The following PPARGC1B variants were observed in gnomAD, a reference collection of about 807,000 sequenced individuals.
PPARGC1B encodes the protein peroxisome proliferator-activated receptor gamma coactivator 1-beta.
A neutral mutation model predicts 101.6 loss-of-function variants in PPARGC1B; 34 were observed. That is an observed-to-expected ratio of 0.33 (90% CI 0.25 to 0.45). The LOEUF (loss-of-function observed/expected upper bound fraction) is 0.45. PPARGC1B is among the 20% of genes least tolerant of loss of function. The probability of loss-of-function intolerance (pLI) is 1.00; values close to 1 mark genes in which losing one functional copy is unlikely to be tolerated. For missense variants in PPARGC1B, 1,234 were observed against 1,317.6 expected (o/e 0.94, Z 0.98); for synonymous variants, 548 against 539.3 (o/e 1.02, Z -0.22).
chr5:149,790,785 C>T (rs1756989387), intron 1 of PPARGC1B, among the ~76,000 whole-genome samples: 1 of 152,252 alleles, frequency 6.6e-6, no homozygotes, highest in Non-Finnish European at 1.5e-5. Context: ...GTGTGTGAAA[C>T]ATGCAGATTC....
At chr5:149,735,575 A>T (rs1457521399) in intron 1 of PPARGC1B, among the ~76,000 whole-genome samples, 1 of 152,218 alleles carries the variant, frequency 6.6e-6, no homozygotes, top group African/African-American at 2.4e-5. Context: ...TTCTGTTTGC[A>T]CTACTACATT....
At chr5:149,737,314 A>C (rs1027184597) in intron 1 of PPARGC1B, among the ~76,000 whole-genome samples, 3 of 152,106 alleles carry the variant, frequency 2.0e-5, no homozygotes, top group African/African-American at 7.2e-5. Context: ...GGTACTTTTA[A>C]GTTGGAGAGT....
Position 149,822,699 on chromosome 5 carries a change from CTT to C in PPARGC1B, c.252+2094_252+2095del, listed in dbSNP as rs1262313022. The stretch of plus-strand genomic sequence containing the variant: ...TAGTCCCTCTCATGGGCTCCCATCT[CTT>C]GCACGCATGTGTGTCCTTCAGACTG... On this transcript the variant is annotated intron_variant, in intron 2 of 11. Transcript: ENST00000309241. Among the ~76,000 whole-genome samples the C allele has an allele frequency of 4.6e-5, 7 of 152,370 alleles. No homozygotes were observed. The East Asian group carries it at 1.3e-3, about 29-fold the overall frequency.
chr5:149,793,784 G>C (rs1309317946), intron 1 of PPARGC1B, among the ~76,000 whole-genome samples: 2 of 152,176 alleles, frequency 1.3e-5, no homozygotes, highest in African/African-American at 4.8e-5. Context: ...AAAAACCAAC[G>C]AGGAGAAAAC....
intron 1 of PPARGC1B, among the ~76,000 whole-genome samples, chr5:149,731,704 G>A (rs1014086415): frequency 1.2e-4 from 18 of 152,322 alleles, no homozygotes; most frequent in Admixed American, 1.1e-3. Context: ...CAGCTGTCAT[G>A]GGACCGGGTG....
intron 1 of PPARGC1B, among the ~76,000 whole-genome samples, chr5:149,777,442 C>T (rs1756408462): frequency 6.6e-6 from 1 of 152,154 alleles, no homozygotes; most frequent in Non-Finnish European, 1.5e-5. Context: ...TTGGCAGCCC[C>T]TGCCCGGTTG....
In PPARGC1B at chr5:149,766,460, G is replaced by T. The variant is rs569586117; in HGVS notation, c.78+36040G>T. 3.9e-5 allele frequency among the ~76,000 whole-genome samples: 6 copies of T among 152,300 alleles called. No homozygotes were observed. The East Asian group carries it at 5.8e-4, about 15-fold the overall frequency. ...GCAAGATCAATATTATTAGTGTCAT[G>T]TATTTCAAAAAGGGAAACTGAGGCT... On this transcript the variant is annotated intron_variant, in intron 1 of 11. Transcript: ENST00000309241.
chr5:149,739,127 T>C (rs1203490410), intron 1 of PPARGC1B, among the ~76,000 whole-genome samples: 6 of 152,196 alleles, frequency 3.9e-5, no homozygotes, highest in Non-Finnish European at 8.8e-5. Flanking sequence ...CATTTGACTA[T>C]GGAAAATGTC....
At position 149,833,619 on chromosome 5, in the gene PPARGC1B, T is replaced by C. The variant is rs1758915625; in HGVS notation, c.1546T>C (p.Tyr516His). 6.2e-7 allele frequency: 1 copy of C among 1,609,058 alleles called. No homozygotes were observed. Among genetic ancestry groups the C allele is most frequent in the Admixed American group, 1.7e-5 (1 of 59,452 alleles). ...CTCACTGTGCCTGGCTCCCAAGGCC[T>C]ACGACGTAGAGCGGGAGCTGGGCAG... Reference protein sequence around the residue: ...LPSLCLAPKAYDVERELGSPT... With the variant: ...LPSLCLAPKAHDVERELGSPT... The change falls in exon 5 of 12, where the codon TAC becomes CAC. Residue 516 changes from tyrosine to histidine, a missense_variant. Tyr to His is a moderately conservative substitution (Grantham distance 83). Transcript: ENST00000309241. This position sits in a 1 kb window ranked among gnomAD's most constrained non-coding sequence, Gnocchi z 4.1.
intron 9 of PPARGC1B, among the ~76,000 whole-genome samples, chr5:149,840,321 G>C (rs1759283078): frequency 6.6e-6 from 1 of 152,220 alleles, no homozygotes; most frequent in Non-Finnish European, 1.5e-5. Flanking sequence ...GGCATCAAAG[G>C]TGGCACCATG....
intron 1 of PPARGC1B, among the ~76,000 whole-genome samples, chr5:149,812,631 G>C (rs142042744): frequency 2.0e-4 from 31 of 152,344 alleles, no homozygotes; most frequent in Non-Finnish European, 4.0e-4. Context: ...CTGTTTCTTG[G>C]ATCTGCCGTC....
chr5:149,791,821 A>G (rs1237128370), intron 1 of PPARGC1B, among the ~76,000 whole-genome samples: 1 of 152,194 alleles, frequency 6.6e-6, no homozygotes, highest in South Asian at 2.1e-4. Flanking sequence ...AGATTAAGAT[A>G]ATGAGGGCAG....
intron 1 of PPARGC1B, among the ~76,000 whole-genome samples, chr5:149,735,087 T>C (rs17711241): frequency 0.11 from 17,483 of 152,192 alleles, 1,334 homozygotes; most frequent in Admixed American, 0.23. Context: ...TGGGAGAAGA[T>C]TGAAGCATAG....
intron 1 of PPARGC1B, among the ~76,000 whole-genome samples, chr5:149,812,716 A>G (rs932397089): frequency 6.6e-6 from 1 of 152,252 alleles, no homozygotes; most frequent in Admixed American, 6.5e-5. Context: ...TTCAGAACAG[A>G]ATCCAGCCAG....
intron 7 of PPARGC1B, among the ~76,000 whole-genome samples, chr5:149,835,957 TC>T (rs369707593): frequency 1.6e-5 from 2 of 128,908 alleles, no homozygotes; most frequent in Non-Finnish European, 1.6e-5. Flanking sequence ...CTTTTTTTTT[TC>T]TTTTTTTTTT....
At chr5:149,798,426 G>T (rs542800858) in intron 1 of PPARGC1B, among the ~76,000 whole-genome samples, 1 of 152,144 alleles carries the variant, frequency 6.6e-6, no homozygotes, top group South Asian at 2.1e-4. Flanking sequence ...AATCTTGGGG[G>T]TAAAATGGAG....
chr5:149,804,756 TGAACA>T (rs1757538352), intron 1 of PPARGC1B, among the ~76,000 whole-genome samples: 1 of 152,198 alleles, frequency 6.6e-6, no homozygotes, highest in African/African-American at 2.4e-5. Context: ...TCACTGCGAC[TGAACA>T]GTGGGAAGGT....
intron 1 of PPARGC1B, among the ~76,000 whole-genome samples, chr5:149,810,404 G>T (rs995936539): frequency 6.6e-6 from 1 of 152,216 alleles, no homozygotes; most frequent in East Asian, 1.9e-4. Context: ...GCCGAAGGTG[G>T]GGTGGGGGGC....
At chr5:149,763,187 C>A (rs1196507350) in intron 1 of PPARGC1B, among the ~76,000 whole-genome samples, 1 of 152,228 alleles carries the variant, frequency 6.6e-6, no homozygotes, top group African/African-American at 2.4e-5. Flanking sequence ...TTGCTCCCTC[C>A]GGCCTTTGGC....
Sources: gnomAD v4.1 joint callset for allele counts (sites outside exome capture counted in the v4.1 genomes callset) on GRCh38, gnomAD v4.1.1 for gene constraint, Gnocchi (gnomAD v3.1) non-coding constraint, MANE v1.5 for transcripts, NCBI Gene and HGNC (gene_info 2026-07-23, HGNC 2026-07-21) for gene names.